Variants in MCTP2 observed in about 807,000 individuals in gnomAD.
The protein encoded by MCTP2 is multiple C2 and transmembrane domain-containing protein 2.
A neutral mutation model predicts 111.6 loss-of-function variants in MCTP2; 132 were observed. The observed-to-expected ratio is 1.18, with a 90% confidence interval of 1.03 to 1.37. The LOEUF is 1.37. MCTP2 is among the 40% of genes most tolerant of loss of function. MCTP2 has a pLI of 0.00. For missense variants in MCTP2, 1,183 were observed against 1,067.9 expected (o/e 1.11, Z -1.50); for synonymous variants, 395 against 387.7 (o/e 1.02, Z -0.22).
At chr15:94,410,122 A>G (rs980267029) in intron 17 of MCTP2, among the ~76,000 whole-genome samples, 18 of 152,232 alleles carry the variant, frequency 1.2e-4, no homozygotes, top group Non-Finnish European at 8.8e-5. Context: ...GGTTACAAGT[A>G]TGGGTAGGAA....
chr15:94,377,080 T>G (rs1174484855), intron 12 of MCTP2, among the ~76,000 whole-genome samples: 2 of 152,208 alleles, frequency 1.3e-5, no homozygotes, highest in African/African-American at 4.8e-5. Context: ...ACAAGTTTTT[T>G]TATATTGCTG....
intron 2 of MCTP2, among the ~76,000 whole-genome samples, chr15:94,306,967 T>C (rs2075911192): frequency 6.6e-6 from 1 of 152,174 alleles, no homozygotes; most frequent in Admixed American, 6.5e-5. Flanking sequence ...AATGACGTCA[T>C]TTTTACTATT....
chr15:94,469,953 A>T (rs150921278), intron 20 of MCTP2, among the ~76,000 whole-genome samples: 1 of 152,154 alleles, frequency 6.6e-6, no homozygotes, highest in African/African-American at 2.4e-5. Flanking sequence ...CCGTGTGTTT[A>T]TTGAGAGACA....
chr15:94,407,345 A>G (rs981615852), intron 17 of MCTP2, among the ~76,000 whole-genome samples: 1 of 152,228 alleles, frequency 6.6e-6, no homozygotes, highest in East Asian at 1.9e-4. Context: ...GCACACACCT[A>G]TTGTATCAAG....
chr15:94,308,520 A>G (rs2075986885), intron 2 of MCTP2, among the ~76,000 whole-genome samples: 1 of 152,216 alleles, frequency 6.6e-6, no homozygotes, highest in African/African-American at 2.4e-5. Flanking sequence ...GGGGAGACTA[A>G]TGACAGCCTG....
intron 17 of MCTP2, 110 bp from the exon 18 acceptor site, chr15:94,440,066 T>C: frequency 1.6e-6 from 2 of 1,243,826 alleles, no homozygotes; most frequent in Non-Finnish European, 2.3e-6. Context: ...TGTTTCTGAA[T>C]GTGACTAGAA....
At chr15:94,246,147 G>A (rs903360695) in intron 1 of MCTP2, among the ~76,000 whole-genome samples, 1 of 151,978 alleles carries the variant, frequency 6.6e-6, no homozygotes, top group East Asian at 1.9e-4. Flanking sequence ...CTTTGCTGAA[G>A]GACCCTTTGC....
intron 1 of MCTP2, among the ~76,000 whole-genome samples, chr15:94,258,430 A>G (rs768052607): frequency 3.9e-5 from 6 of 152,172 alleles, no homozygotes; most frequent in African/African-American, 7.2e-5. Context: ...ATCTGTGTCT[A>G]CTTCTGAAAA....
chr15:94,446,839 A>G (rs768037736), intron 19 of MCTP2, among the ~76,000 whole-genome samples: 7 of 152,242 alleles, frequency 4.6e-5, no homozygotes, highest in Non-Finnish European at 1.0e-4. Flanking sequence ...CAATGAGGTC[A>G]CAATTGCCTG....
intron 14 of MCTP2, among the ~76,000 whole-genome samples, chr15:94,398,296 A>G (rs1444147401): frequency 1.3e-5 from 2 of 152,118 alleles, no homozygotes; most frequent in African/African-American, 4.8e-5. Flanking sequence ...TCCTTTATTC[A>G]TTTCTGTTAA....
rs142502339 is a variant in MCTP2 at position 94,315,325 on chromosome 15, C to A, written c.529-204C>A. On this transcript the variant is annotated intron_variant, in intron 3 of 22. Coordinates refer to ENST00000357742, the MANE Select transcript of MCTP2 (RefSeq NM_001385001.1). ...ATGTAATCATATTTGCTTCTGAATA[C>A]TGATAAAATCCCACTGGGGAGAAAT... 1.1e-3 allele frequency among the ~76,000 whole-genome samples: 173 copies of A among 152,282 alleles called. 1 individual carries two copies. The highest frequency in any genetic ancestry group is 3.1e-3 in the Admixed American group (48 of 15,302).
At chr15:94,459,168 G>A (rs1043871633) in intron 20 of MCTP2, among the ~76,000 whole-genome samples, 4 of 151,972 alleles carry the variant, frequency 2.6e-5, no homozygotes, top group African/African-American at 7.3e-5. Context: ...TGTGTCAACC[G>A]TGTTCTTTCT....
At position 94,320,393 on chromosome 15, in the gene MCTP2, G is replaced by A. The variant is rs567738201; in HGVS notation, c.637+4756G>A. 5.3e-5 allele frequency among the ~76,000 whole-genome samples: 8 copies of A among 152,068 alleles called. No individual in the cohort carries two copies. The East Asian group carries it at 7.8e-4, about 15-fold the overall frequency. ...CCTGACCTTGTGATCCACCCGCCTCGGCCTCCCAAAGTGCTGGGATTACAG... is the reference window on the plus strand; with the variant it reads ...CCTGACCTTGTGATCCACCCGCCTCAGCCTCCCAAAGTGCTGGGATTACAG... On this transcript the variant is annotated intron_variant, in intron 4 of 22. Transcript: ENST00000357742.
intron 2 of MCTP2, among the ~76,000 whole-genome samples, chr15:94,300,965 A>G (rs763126273): frequency 1.3e-5 from 2 of 152,126 alleles, no homozygotes; most frequent in Non-Finnish European, 1.5e-5. Flanking sequence ...GGGCTGGTCC[A>G]TGATAGTAGA....
Position 94,479,173 on chromosome 15 carries a change from T to C in MCTP2, c.*139T>C, listed in dbSNP as rs1414603446. On this transcript the variant is annotated 3_prime_UTR_variant, in exon 23 of 23. Transcript: ENST00000357742. Reference sequence around the variant, plus strand: ...CACCCTCTGTATACTTCCTCCTCCTTCACGTGCACAGACATACACACATGT... The same window carrying C: ...CACCCTCTGTATACTTCCTCCTCCTCCACGTGCACAGACATACACACATGT... 2 of 773,936 alleles carry C rather than the reference T, an allele frequency of 2.6e-6. No homozygotes were observed. Among genetic ancestry groups the C allele is most frequent in the African/African-American group, 1.7e-5 (1 of 58,620 alleles). 47.9% of individuals were successfully genotyped at this position (773,936 alleles called of 1,614,324 possible). A position where few individuals can be genotyped will look rare whatever the true frequency, so the allele number is the denominator to read the frequency against.
intron 1 of MCTP2, among the ~76,000 whole-genome samples, chr15:94,251,943 C>T (rs545663770): frequency 2.6e-5 from 4 of 152,294 alleles, no homozygotes; most frequent in South Asian, 2.1e-4. Context: ...AAGGTTCATC[C>T]ACGTCCTAGC....
At chr15:94,390,070 A>G (rs865956450) in intron 14 of MCTP2, among the ~76,000 whole-genome samples, 1,294 of 11,942 alleles carry the variant, frequency 0.11, 54 homozygotes, top group Middle Eastern at 0.19. Flanking sequence ...ATATATATAT[A>G]TATATATATA....
intron 1 of MCTP2, among the ~76,000 whole-genome samples, chr15:94,283,655 G>A (rs910875026): frequency 1.4e-4 from 21 of 152,080 alleles, no homozygotes; most frequent in African/African-American, 3.4e-4. Flanking sequence ...CTTTCAGCCT[G>A]GGGTCTACAT....
intron 16 of MCTP2, 85 bp downstream of exon 16, chr15:94,400,080 C>A: frequency 1.6e-6 from 2 of 1,214,510 alleles, no homozygotes; most frequent in Admixed American, 1.8e-5. Context: ...TAATTTCTTC[C>A]TTGAAACTTT....
Sources: allele counts gnomAD v4.1 joint callset (sites outside exome capture counted in the v4.1 genomes callset), GRCh38; gene constraint gnomAD v4.1.1; transcripts MANE v1.5; gene names NCBI Gene and HGNC (gene_info 2026-07-23, HGNC 2026-07-21).